Variants in ZNF407 observed in about 807,000 individuals in gnomAD.
ZNF407 encodes the protein zinc finger protein 407.
A neutral mutation model predicts 131.2 loss-of-function variants in ZNF407; 17 were observed. The observed-to-expected ratio is 0.13, with a 90% CI of 0.09 to 0.19. The LOEUF (loss-of-function observed/expected upper bound fraction) is 0.19. Among genes scored for constraint, ZNF407 ranks in the 10% least tolerant of loss-of-function variants. ZNF407 has a pLI of 1.00. For missense variants in ZNF407, 2,681 were observed against 2,830.6 expected (o/e 0.95, Z 1.20); for synonymous variants, 1,156 against 1,062.0 (o/e 1.09, Z -1.72).
At chr18:74,712,949 C>T (rs1205848327) in intron 3 of ZNF407, among the ~76,000 whole-genome samples, 1 of 152,114 alleles carries the variant, frequency 6.6e-6, no homozygotes, top group Non-Finnish European at 1.5e-5. Context: ...GGGACTTGGG[C>T]AGATTTTTTC....
chr18:75,014,419 C>T (rs1568301245), intron 8 of ZNF407, among the ~76,000 whole-genome samples: 2 of 152,018 alleles, frequency 1.3e-5, no homozygotes, highest in East Asian at 3.9e-4. Flanking sequence ...CATCTCTACC[C>T]CTTCTTGAAG....
intron 3 of ZNF407, among the ~76,000 whole-genome samples, chr18:74,644,146 C>G (rs1984855387): frequency 1.3e-5 from 2 of 149,044 alleles, no homozygotes; most frequent in African/African-American, 4.9e-5. Context: ...AGGTTAAGAG[C>G]CATTTATTTT....
chr18:74,763,705 A>ATTTTTTTTTTTT (rs11340257), intron 3 of ZNF407, among the ~76,000 whole-genome samples: 1 of 70,226 alleles, frequency 1.4e-5, no homozygotes, highest in African/African-American at 5.2e-5. Context: ...CTTATCTTTG[A>ATTTTTTTTTTTT]TTTTTTTTTT....
chr18:74,955,310 A>G (rs1286943304), intron 8 of ZNF407, among the ~76,000 whole-genome samples: 1 of 152,146 alleles, frequency 6.6e-6, no homozygotes, highest in Non-Finnish European at 1.5e-5. Flanking sequence ...ATTCTGGGGC[A>G]TGGGGTAAAT....
intron 1 of ZNF407, among the ~76,000 whole-genome samples, chr18:74,612,242 A>G (rs544894966): frequency 6.6e-6 from 1 of 152,308 alleles, no homozygotes; most frequent in South Asian, 2.1e-4. Context: ...ATAAAGAAAA[A>G]CAAGTGATAC....
intron 3 of ZNF407, among the ~76,000 whole-genome samples, chr18:74,655,850 G>A (rs756587590): frequency 3.3e-5 from 5 of 151,996 alleles, no homozygotes; most frequent in South Asian, 2.1e-4. Flanking sequence ...TGAAAACGTC[G>A]GTTTTGTGTG....
chr18:74,839,778 A>G (rs1970606777), intron 4 of ZNF407, among the ~76,000 whole-genome samples: 1 of 152,160 alleles, frequency 6.6e-6, no homozygotes, highest in Non-Finnish European at 1.5e-5. Context: ...GAGCACATTT[A>G]TGAAGATTTT....
intron 8 of ZNF407, among the ~76,000 whole-genome samples, chr18:75,035,074 G>A (rs1364556181): frequency 1.3e-5 from 2 of 152,086 alleles, no homozygotes; most frequent in African/African-American, 4.8e-5. Context: ...CATCTAATAC[G>A]GCACTGAAAA....
At chr18:74,901,256 C>A (rs1459263024) in intron 7 of ZNF407, among the ~76,000 whole-genome samples, 1 of 152,160 alleles carries the variant, frequency 6.6e-6, no homozygotes, top group East Asian at 1.9e-4. Flanking sequence ...TGCTTCGTTT[C>A]ATTATGAATT....
intron 3 of ZNF407, among the ~76,000 whole-genome samples, chr18:74,711,871 C>T (rs1399467527): frequency 6.6e-6 from 1 of 151,964 alleles, no homozygotes; most frequent in Non-Finnish European, 1.5e-5. Flanking sequence ...CCACCACACC[C>T]GATTAATTTT....
chr18:74,784,639 A>G (rs1236703137), intron 4 of ZNF407, among the ~76,000 whole-genome samples: 1 of 152,250 alleles, frequency 6.6e-6, no homozygotes, highest in Non-Finnish European at 1.5e-5. Flanking sequence ...AATTCAAACA[A>G]TTACATATAA....
intron 4 of ZNF407, among the ~76,000 whole-genome samples, chr18:74,873,776 TG>T (rs1313152468): frequency 6.6e-6 from 1 of 152,032 alleles, no homozygotes; most frequent in Non-Finnish European, 1.5e-5. Flanking sequence ...TTGACTTCCA[TG>T]GCATAGCTAC....
At chr18:74,926,077 G>T (rs926518619) in intron 8 of ZNF407, among the ~76,000 whole-genome samples, 1 of 152,012 alleles carries the variant, frequency 6.6e-6, no homozygotes, top group Non-Finnish European at 1.5e-5. Flanking sequence ...ATCATCCTTG[G>T]GTTAATTTAC....
At chr18:74,668,195 A>G (rs1986004726) in intron 3 of ZNF407, among the ~76,000 whole-genome samples, 1 of 152,206 alleles carries the variant, frequency 6.6e-6, no homozygotes, top group Admixed American at 6.5e-5. Context: ...GACACTGTCC[A>G]AACTTTGTTT....
chr18:75,020,267 GAT>G (rs1383295201), intron 8 of ZNF407, among the ~76,000 whole-genome samples: 2 of 151,602 alleles, frequency 1.3e-5, no homozygotes, highest in Non-Finnish European at 2.9e-5. Context: ...TGTATATATA[GAT>G]ATGTGTGTGT....
intron 8 of ZNF407, among the ~76,000 whole-genome samples, chr18:75,050,723 G>A (rs1227140649): frequency 6.6e-6 from 1 of 152,122 alleles, no homozygotes; most frequent in Non-Finnish European, 1.5e-5. Context: ...TCTGAAAGAA[G>A]ACACCCTCTT....
chr18:74,869,673 C>T (rs1001658704), intron 4 of ZNF407, among the ~76,000 whole-genome samples: 1 of 152,114 alleles, frequency 6.6e-6, no homozygotes, highest in African/African-American at 2.4e-5. Context: ...GAACTTTCAT[C>T]CAATCCAGCA....
chr18:74,774,591 A>C (rs1426109230), intron 3 of ZNF407, among the ~76,000 whole-genome samples: 5 of 152,212 alleles, frequency 3.3e-5, no homozygotes. Flanking sequence ...AACTGAATCA[A>C]ATCATGAGGA....
At chr18:75,045,700 C>T (rs552052461) in intron 8 of ZNF407, among the ~76,000 whole-genome samples, 1 of 152,258 alleles carries the variant, frequency 6.6e-6, no homozygotes, top group Admixed American at 6.5e-5. Context: ...CTTGTCACCC[C>T]GCACCCTCTT....
Sources: allele counts gnomAD v4.1 joint callset (sites outside exome capture counted in the v4.1 genomes callset), GRCh38; gene constraint gnomAD v4.1.1; transcripts MANE v1.5; gene names NCBI Gene and HGNC (gene_info 2026-07-23, HGNC 2026-07-21).